NCAPG: variants seen among roughly 807,000 people sequenced by gnomAD.
NCAPG encodes non-SMC condensin I complex subunit G, also known as condensin complex subunit 3.
Under a neutral mutation model 113.1 loss-of-function variants are expected in NCAPG, and 69 were observed. The ratio of observed to expected loss-of-function variants is 0.61; its 90% CI spans 0.50 to 0.75. The LOEUF is 0.75. NCAPG is among the 30% of genes least tolerant of loss of function. The pLI is 0.00. For missense variants in NCAPG, 1,058 were observed against 1,177.0 expected (o/e 0.90, Z 1.48); for synonymous variants, 370 against 415.8 (o/e 0.89, Z 1.34).
chr4:17,825,485 A>C lies in NCAPG; in HGVS notation c.1577A>C (p.Lys526Thr), dbSNP rs139475495. Residue 526 changes from lysine to threonine, a missense_variant, in exon 11 of 21, where the codon AAA (lysine) becomes ACA (threonine). By Grantham distance (78) the Lys-to-Thr change is moderately conservative (BLOSUM62 -1). Transcript: ENST00000251496. ...GCATCAGAATTAAAAGAAGAAATAAAAGCATTAGAAGATGCCAGAATAAAC... is the reference window on the plus strand; with the variant it reads ...GCATCAGAATTAAAAGAAGAAATAACAGCATTAGAAGATGCCAGAATAAAC... ...NRASELKEEI[K>T]ALEDARINLL... is the part of the protein sequence containing the mutation. The C allele has an allele frequency of 1.5e-4, 234 of 1,609,918 alleles. 1 individual carries two copies. Among genetic ancestry groups the C allele is most frequent in the African/African-American group, 6.6e-4 (49 of 74,598 alleles).
At chr4:17,835,979 G>A (rs1246595267) in intron 14 of NCAPG, among the ~76,000 whole-genome samples, 2 of 152,112 alleles carry the variant, frequency 1.3e-5, no homozygotes, top group African/African-American at 4.8e-5. Context: ...ATTCTTTTGG[G>A]TATCTGTATA....
intron 7 of NCAPG, among the ~76,000 whole-genome samples, chr4:17,820,356 C>CT (rs1721403477): frequency 6.6e-6 from 1 of 152,130 alleles, no homozygotes; most frequent in East Asian, 1.9e-4. Flanking sequence ...AATCCCAGCA[C>CT]TTTAGGAGGC....
Position 17,844,183 on chromosome 4 carries a change from ACTTCT to A in NCAPG, c.*762_*766del, listed in dbSNP as rs1465729356. On this transcript the variant is annotated 3_prime_UTR_variant, in exon 21 of 21. Transcript: ENST00000251496. ...CTAGTGGGAATATAATGTGACAGGA[ACTTCT>A]CTTTATATACGCTACCAATTTATGA... The A allele has an allele frequency of 6.6e-6, 1 of 152,154 alleles. No individual in the cohort carries two copies. The highest frequency in any genetic ancestry group is 1.5e-5 in the Non-Finnish European group (1 of 67,854). 9.4% of individuals were successfully genotyped at this position (152,154 alleles called of 1,614,324 possible). A position where few individuals can be genotyped will look rare whatever the true frequency, so the allele number is the denominator to read the frequency against.
Position 17,817,856 on chromosome 4 carries a change from CTTA to C in NCAPG, c.969-77_969-75del, listed in dbSNP as rs1721278013. 5 of 1,360,574 alleles carry C rather than the reference CTTA, an allele frequency of 3.7e-6. No homozygotes were observed. The African/African-American group carries it at 4.4e-5, about 12-fold the overall frequency. The allele number at this position is 1,360,574 out of a possible 1,614,324, so 84.3% of individuals were successfully genotyped here. ...ATAGTGTAGTGGTTTTAAAGCAAAT[CTTA>C]TTATTCTCATTTTTGTACTCTTCAA... On this transcript the variant is annotated intron_variant, in intron 6 of 20. Transcript: ENST00000251496.
At position 17,834,355 on chromosome 4, in the gene NCAPG, C is replaced by T; in HGVS notation, c.1941C>T (p.Asp647=). 1 of 1,606,580 alleles carries T rather than the reference C, an allele frequency of 6.2e-7. No individual in the cohort carries two copies. ...IKISALKAIF[D]QLMTFGIEPF... is the part of the protein sequence containing the mutation. ...TAAGTGCTTTAAAGGCAATCTTTGA[C>T]CAACTGATGACGTTCGGGATTGAAC... Residue 647 remains aspartate (D), a synonymous_variant, in exon 14 of 21, where the codon GAC becomes GAT. Transcript: ENST00000251496.
intron 7 of NCAPG, 39 bp downstream of exon 7, chr4:17,818,127 T>C: frequency 6.4e-7 from 1 of 1,559,524 alleles, no homozygotes; most frequent in Non-Finnish European, 8.7e-7. Context: ...GTGATTGTGT[T>C]GCTGCATGTG....
intron 20 of NCAPG, 148 bp from the exon 21 acceptor site, chr4:17,843,154 T>A: frequency 1.2e-6 from 1 of 804,846 alleles, no homozygotes; most frequent in Non-Finnish European, 1.9e-6. Context: ...TTTTTGACAT[T>A]GAGATTTTAG....
At chr4:17,837,940 C>A in intron 16 of NCAPG, 139 bp downstream of exon 16, 1 of 854,806 alleles carries the variant, frequency 1.2e-6, no homozygotes, top group Non-Finnish European at 1.9e-6. Flanking sequence ...ACGAAAGAAA[C>A]ATGACCTTGG....
At chr4:17,842,415 T>C (rs200472378) in intron 20 of NCAPG, 36 bp downstream of exon 20, 7 of 1,530,522 alleles carry the variant, frequency 4.6e-6, no homozygotes, top group Non-Finnish European at 6.3e-6. Flanking sequence ...TGGAGGCCTA[T>C]CTTCACTTTT....
chr4:17,837,384 A>C (rs1201198699), intron 15 of NCAPG, 44 bp downstream of exon 15: 1 of 1,528,802 alleles, frequency 6.5e-7, no homozygotes, highest in African/African-American at 1.4e-5. Flanking sequence ...CTTGACATCA[A>C]ATTCAAGTCC....
intron 3 of NCAPG, 121 bp downstream of exon 3, chr4:17,813,266 A>C: frequency 1.3e-6 from 1 of 791,956 alleles, no homozygotes. Context: ...TATGATTCCG[A>C]TTAAACAAAA....
chr4:17,842,750 T>C (rs1317291149), intron 20 of NCAPG: 1 of 179,460 alleles, frequency 5.6e-6, no homozygotes, highest in East Asian at 1.5e-4. Context: ...GTATATTGTG[T>C]GGTAGAGTGT....
rs1722649768 is a variant in NCAPG, at chr4:17,843,680, A to T, written c.*255A>T. ...GGGCCTAGGAATCTCATTTTTAAAT[A>T]GTCTCTCCAAGTGATTCTTATGAAC... On this transcript the variant is annotated 3_prime_UTR_variant, in exon 21 of 21. Transcript: ENST00000251496. 2 of 286,150 alleles carry T rather than the reference A, an allele frequency of 7.0e-6. No individual in the cohort carries two copies. The highest frequency in any genetic ancestry group is 1.3e-4 in the South Asian group (2 of 15,214). 17.7% of individuals were successfully genotyped at this position (286,150 alleles called of 1,614,324 possible).
chr4:17,830,771 T>C (rs1443910614), intron 12 of NCAPG, among the ~76,000 whole-genome samples: 1 of 152,178 alleles, frequency 6.6e-6, no homozygotes, highest in Admixed American at 6.5e-5. Context: ...AGTTTTATCT[T>C]GTTCTGTGAG....
intron 13 of NCAPG, among the ~76,000 whole-genome samples, chr4:17,833,550 A>G (rs1385732651): frequency 2.0e-5 from 3 of 150,560 alleles, no homozygotes; most frequent in Non-Finnish European, 4.4e-5. Context: ...TTAAATTTGG[A>G]TAGACATTTT....
At chr4:17,814,122 A>G (rs1721102301) in intron 3 of NCAPG, among the ~76,000 whole-genome samples, 2 of 152,226 alleles carry the variant, frequency 1.3e-5, no homozygotes, top group Admixed American at 6.5e-5. Flanking sequence ...AAAAACCAAA[A>G]TAATGGGCCC....
intron 9 of NCAPG, among the ~76,000 whole-genome samples, chr4:17,824,080 A>T (rs1389169101): frequency 1.3e-5 from 2 of 152,050 alleles, no homozygotes; most frequent in Admixed American, 6.6e-5. Flanking sequence ...TTGAGAGCTT[A>T]CTCAAATTGT....
At position 17,840,152 on chromosome 4, in the gene NCAPG, C is replaced by G. The variant is rs1260972341; in HGVS notation, c.2710C>G (p.Gln904Glu). The G allele has an allele frequency of 6.2e-7, 1 of 1,611,422 alleles. No individual in the cohort carries two copies. Among genetic ancestry groups the G allele is most frequent in the Non-Finnish European group, 8.5e-7 (1 of 1,178,898 alleles). ...LEKGNKEFGD[Q>E]AEAAQDATLT... ...AAAAGGAAATAAAGAATTTGGTGAC[C>G]AAGCTGAAGCAGCACAGGATGCCAC... The change falls in exon 18 of 21, where the codon CAA becomes GAA. Residue 904 changes from glutamine to glutamate, a missense_variant. Physicochemically the swap from Gln to Glu is conservative, Grantham distance 29. Coordinates refer to ENST00000251496, the MANE Select transcript of NCAPG (RefSeq NM_022346.5).
chr4:17,821,270 C>T (rs910918421), intron 7 of NCAPG, among the ~76,000 whole-genome samples: 9 of 152,152 alleles, frequency 5.9e-5, no homozygotes, highest in East Asian at 1.9e-4. Flanking sequence ...TGATAGTTAT[C>T]GGTAGTGTAG....
Sources: allele counts gnomAD v4.1 joint callset (sites outside exome capture counted in the v4.1 genomes callset), GRCh38; gene constraint gnomAD v4.1.1; transcripts MANE v1.5; gene names NCBI Gene and HGNC (gene_info 2026-07-23, HGNC 2026-07-21).